The following RNF212 variants were observed in gnomAD, a reference collection of about 807,000 sequenced individuals.
RNF212 encodes ring finger protein 212.
RNF212 carries 33 observed loss-of-function variants against 34.7 expected under a neutral mutation model. That is an observed-to-expected ratio of 0.95 (90% CI 0.72 to 1.27). RNF212 has a LOEUF of 1.27. Among genes scored for constraint, RNF212 ranks in the 50% most tolerant of loss-of-function variants. The pLI, the probability that RNF212 is intolerant of heterozygous loss-of-function variation, is 0.00. For synonymous variants in RNF212, 140 were observed against 136.1 expected (o/e 1.03, Z -0.20); for missense variants, 377 against 362.2 (o/e 1.04, Z -0.33).
At chr4:1,060,376 C>G (rs1267420086) in intron 3 of RNF212, among the ~76,000 whole-genome samples, 4 of 152,180 alleles carry the variant, frequency 2.6e-5, no homozygotes, top group African/African-American at 9.6e-5. Flanking sequence ...CAGGCGTCAT[C>G]CTGAAGAGCA....
intron 5 of RNF212, 48 bp downstream of exon 5, chr4:1,085,848 G>A: frequency 7.9e-7 from 1 of 1,267,738 alleles, no homozygotes; most frequent in South Asian, 1.2e-5. Flanking sequence ...CAATGCACAT[G>A]GCAGTGGGTG....
intron 3 of RNF212, among the ~76,000 whole-genome samples, chr4:1,059,516 C>T (rs887509496): frequency 7.6e-6 from 1 of 132,414 alleles, no homozygotes; most frequent in African/African-American, 3.0e-5. Context: ...ATCCAGAGCC[C>T]GTGTTCAGAG....
At chr4:1,101,345 G>T in intron 2 of RNF212, 1 of 237,718 alleles carries the variant, frequency 4.2e-6, no homozygotes, top group Non-Finnish European at 8.7e-6. Context: ...TTTTCTCAGG[G>T]AAACCACCTA....
intron 8 of RNF212, among the ~76,000 whole-genome samples, chr4:1,075,532 GAC>G (rs753994635): frequency 1.4e-4 from 21 of 152,216 alleles, no homozygotes; most frequent in Non-Finnish European, 2.8e-4. Context: ...CCATGGCAAA[GAC>G]AGCACCAGCC....
intron 4 of RNF212, 30 bp from the exon 5 acceptor site, chr4:1,085,984 C>T (rs1300396029): frequency 6.7e-7 from 1 of 1,503,210 alleles, no homozygotes; most frequent in Non-Finnish European, 9.3e-7. Flanking sequence ...CTCTTGTTAT[C>T]AGACAGGCTA....
intron 4 of RNF212, 62 bp from the exon 5 acceptor site, chr4:1,086,016 C>A: frequency 8.1e-7 from 1 of 1,237,174 alleles, no homozygotes; most frequent in South Asian, 1.2e-5. Flanking sequence ...ATGTGACCCT[C>A]TAAATTTCTT....
intron 2 of RNF212, among the ~76,000 whole-genome samples, chr4:1,099,185 T>G (rs1258674759): frequency 6.6e-6 from 1 of 152,152 alleles, no homozygotes; most frequent in Admixed American, 6.5e-5. Context: ...ATAAGCCAGG[T>G]GCCGGAATTT....
intron 3 of RNF212, chr4:1,093,399 C>A (rs1199932632): frequency 3.6e-6 from 5 of 1,393,364 alleles, no homozygotes; most frequent in South Asian, 3.3e-5. Flanking sequence ...ATTTATGTTA[C>A]GTTGATATTA....
At position 1,090,825 on chromosome 4, in the gene RNF212, T is replaced by G. The variant is rs757058784; in HGVS notation, c.260A>C (p.Gln87Pro). ...TAACAATCTCTTCCTGTGTTTTTCT[T>G]GAAATTCTAAAATCTGAAAAGATCA... ...SRETSQILEF[Q>P]EKHRKRLLAF... Residue 87 changes from glutamine to proline, a missense_variant, in exon 4 of 10, where the codon CAA (glutamine) becomes CCA (proline). Gln to Pro is a moderately conservative substitution (Grantham distance 76, BLOSUM62 -1). Transcript: ENST00000433731. 2 of 1,591,458 alleles carry G rather than the reference T, an allele frequency of 1.3e-6. No homozygotes were observed. The highest frequency in any genetic ancestry group is 2.2e-5 in the South Asian group (2 of 90,332).
chr4:1,106,249 TACACACACACACACAC>T (rs35166968), intron 2 of RNF212, among the ~76,000 whole-genome samples: 19,121 of 146,030 alleles, frequency 0.13, 1,298 homozygotes, highest in East Asian at 0.31. Flanking sequence ...CAATTTTACT[TACACACACACACACAC>T]ACACACACAC....
At chr4:1,079,268 C>A (rs1438001379) in intron 8 of RNF212, among the ~76,000 whole-genome samples, 1 of 152,114 alleles carries the variant, frequency 6.6e-6, no homozygotes, top group African/African-American at 2.4e-5. Flanking sequence ...CAACATGGGA[C>A]CAACACAGGG....
In RNF212 at chr4:1,076,576, C is replaced by A. The variant is rs149297104; in HGVS notation, c.511-2914G>T. On this transcript the variant is annotated intron_variant, in intron 8 of 9. Coordinates refer to ENST00000433731, the MANE Select transcript of RNF212 (RefSeq NM_001131034.4). ...GTCTGCACAGGCAACAGGTGGTGTC[C>A]CAGAACCTCTGCTCAGGCTGAGGGT... Among the ~76,000 whole-genome samples, 49 of 152,290 alleles carry A rather than the reference C, an allele frequency of 3.2e-4. No homozygotes were observed. In the East Asian group the frequency reaches 8.5e-3, roughly 26 times the overall value.
chr4:1,071,406 A>G (rs1718481701), downstream of RNF212: 1 of 152,226 alleles, frequency 6.6e-6, no homozygotes, highest in Non-Finnish European at 1.5e-5. Flanking sequence ...GGTAAACATT[A>G]AAAACTAGAA....
intron 3 of RNF212, among the ~76,000 whole-genome samples, chr4:1,091,167 C>T (rs1722131545): frequency 6.6e-6 from 1 of 152,210 alleles, no homozygotes; most frequent in Non-Finnish European, 1.5e-5. Context: ...CCTGACCAAA[C>T]AGGTGTGGAC....
intron 9 of RNF212, 94 bp downstream of exon 9, chr4:1,073,505 T>C: frequency 1.0e-6 from 1 of 983,314 alleles, no homozygotes. Context: ...CCCCCTTGGG[T>C]AGGTTCTGAC....
chr4:1,103,945 A>T (rs1442554379), intron 2 of RNF212, among the ~76,000 whole-genome samples: 1 of 152,266 alleles, frequency 6.6e-6, no homozygotes, highest in Non-Finnish European at 1.5e-5. Flanking sequence ...TCCTTATTCA[A>T]AGATAACATG....
intron 3 of RNF212, chr4:1,093,397 T>A (rs953673658): frequency 1.4e-6 from 2 of 1,396,200 alleles, no homozygotes; most frequent in Non-Finnish European, 1.9e-6. Flanking sequence ...ATATTTATGT[T>A]ACGTTGATAT....
chr4:1,079,807 G>A, intron 7 of RNF212, 119 bp from the exon 8 acceptor site: 1 of 765,484 alleles, frequency 1.3e-6, no homozygotes, highest in Non-Finnish European at 2.3e-6. Context: ...CTAGCTTCAT[G>A]CTGCGGCCAG....
rs574797799 is a variant in RNF212, at chr4:1,112,184, G to A, written c.109+1172C>T. On this transcript the variant is annotated intron_variant, in intron 1 of 9. Transcript: ENST00000433731. ...ATCCCGCCACCGAACTCCAGCCTGG[G>A]CGACAAAGCTGAGCTCTGCCTTGAA... 2.6e-3 allele frequency among the ~76,000 whole-genome samples: 392 copies of A among 152,334 alleles called. 23 individuals are homozygous for A. In the South Asian group the frequency reaches 0.076, roughly 29 times the overall value.
Sources: gnomAD v4.1 joint callset for allele counts (sites outside exome capture counted in the v4.1 genomes callset) on GRCh38, gnomAD v4.1.1 for gene constraint, MANE v1.5 for transcripts, NCBI Gene and HGNC (gene_info 2026-07-23, HGNC 2026-07-21) for gene names.